The following AKNA variants were observed in gnomAD, a reference collection of about 807,000 sequenced individuals.
AKNA encodes the protein microtubule organization protein AKNA.
A neutral mutation model predicts 138.8 loss-of-function variants in AKNA; 67 were observed. That is an observed-to-expected ratio of 0.48 (90% confidence interval 0.40 to 0.59). AKNA has a LOEUF of 0.59. Among genes scored for constraint, AKNA ranks in the 20% least tolerant of loss-of-function variants. AKNA has a pLI of 0.00. For synonymous variants in AKNA, 737 were observed against 754.4 expected (o/e 0.98, Z 0.38); for missense variants, 1,813 against 1,880.4 (o/e 0.96, Z 0.66).
upstream of AKNA, among the ~76,000 whole-genome samples, chr9:114,392,427 GCAAA>G (rs1834382263): frequency 1.3e-5 from 2 of 152,234 alleles, no homozygotes; most frequent in Admixed American, 1.3e-4. Context: ...GGCTTTGTGG[GCAAA>G]CAGAGAACTC....
intron 3 of AKNA, 122 bp downstream of exon 3, chr9:114,376,344 G>T: frequency 2.4e-6 from 2 of 830,398 alleles, no homozygotes; most frequent in Non-Finnish European, 3.5e-6. Context: ...CCCCAGCCAG[G>T]CTCTATCCCA....
rs373114500 is a variant in AKNA at position 114,335,387 on chromosome 9, T to G, written c.*1667A>C. 4 of 152,236 alleles carry G rather than the reference T, an allele frequency of 2.6e-5. No individual in the cohort carries two copies. Among genetic ancestry groups the G allele is most frequent in the East Asian group, 1.9e-4 (1 of 5,192 alleles). The allele number at this position is 152,236 out of a possible 1,614,324, so 9.4% of individuals were successfully genotyped here. A position where few individuals can be genotyped will look rare whatever the true frequency, so the allele number is the denominator to read the frequency against. On this transcript the variant is annotated 3_prime_UTR_variant, in exon 22 of 22. Transcript: ENST00000374088. The stretch of plus-strand genomic sequence containing the variant: ...AGTGAGGGTCCTGAGGGTTAGCACA[T>G]GGACTGTGTGAAGCAGACAATGCCC...
intron 15 of AKNA, chr9:114,348,757 C>T (rs183121523): frequency 4.7e-6 from 2 of 422,380 alleles, no homozygotes; most frequent in Non-Finnish European, 9.7e-6. Flanking sequence ...TACCCCTCCC[C>T]ACAAGACCCC....
At chr9:114,330,871 C>T (rs200698602), downstream of AKNA, 45 of 1,609,666 alleles carry the variant, frequency 2.8e-5, no homozygotes, top group Non-Finnish European at 3.6e-5. Flanking sequence ...CGGTGAGGGC[C>T]AGCCCTCAGG....
In AKNA at chr9:114,336,924, G is replaced by A; in HGVS notation, c.*130C>T. ...CACAGGGACTGAGCAGGCGGGACCT[G>A]TGCTGGAGGGAGACCCTCCTGGTGA... On this transcript the variant is annotated 3_prime_UTR_variant, in exon 22 of 22. Coordinates refer to ENST00000374088, the MANE Select transcript of AKNA (RefSeq NM_001317950.2). 1 of 1,237,882 alleles carries A rather than the reference G, an allele frequency of 8.1e-7. No individual in the cohort carries two copies. The highest frequency in any genetic ancestry group is 1.1e-6 in the Non-Finnish European group (1 of 930,086). 76.7% of individuals were successfully genotyped at this position (1,237,882 alleles called of 1,614,324 possible). A position where few individuals can be genotyped will look rare whatever the true frequency, so the allele number is the denominator to read the frequency against.
downstream of AKNA, among the ~76,000 whole-genome samples, chr9:114,331,391 G>A (rs1240903996): frequency 6.6e-6 from 1 of 152,086 alleles, no homozygotes; most frequent in East Asian, 1.9e-4. Context: ...TGTACAGAAA[G>A]TGCTTGGCGT....
Position 114,350,710 on chromosome 9 carries a change from C to T in AKNA, c.3221+149G>A, listed in dbSNP as rs1374240427. The T allele has an allele frequency of 9.7e-6, 8 of 825,392 alleles. No homozygotes were observed. In the African/African-American group the frequency reaches 1.4e-4, roughly 15 times the overall value. 51.1% of individuals were successfully genotyped at this position (825,392 alleles called of 1,614,324 possible). On this transcript the variant is annotated intron_variant, in intron 15 of 21. Coordinates refer to ENST00000374088, the MANE Select transcript of AKNA (RefSeq NM_001317950.2). ...TGAGGTCCCACAGAAACGCTGGGAA[C>T]TGGGAGGCAGGACACCTGGGTCCGT...
At position 114,336,705 on chromosome 9, in the gene AKNA, A is replaced by G. The variant is rs1830012304; in HGVS notation, c.*349T>C. On this transcript the variant is annotated 3_prime_UTR_variant, in exon 22 of 22. Coordinates refer to ENST00000374088, the MANE Select transcript of AKNA (RefSeq NM_001317950.2). ...AGATCAGGAAAACTCCCCAGTTTAAAAAAATATCTGTCCATCTGTATATAA... is the reference window on the plus strand; with the variant it reads ...AGATCAGGAAAACTCCCCAGTTTAAGAAAATATCTGTCCATCTGTATATAA... 3.9e-6 allele frequency: 1 copy of G among 256,968 alleles called. No individual in the cohort carries two copies. Among genetic ancestry groups the G allele is most frequent in the South Asian group, 1.7e-4 (1 of 5,750 alleles). The allele number at this position is 256,968 out of a possible 1,614,324, so 15.9% of individuals were successfully genotyped here. A position where few individuals can be genotyped will look rare whatever the true frequency, so the allele number is the denominator to read the frequency against.
At position 114,358,080 on chromosome 9, in the gene AKNA, CTTGCCCAGGCCTGACATGTGCCCG is replaced by C. The variant is rs1831637855; in HGVS notation, c.2556_2579del (p.Asp852_Lys860delinsGlu). 1 of 1,613,932 alleles carries C rather than the reference CTTGCCCAGGCCTGACATGTGCCCG, an allele frequency of 6.2e-7. No individual in the cohort carries two copies. The highest frequency in any genetic ancestry group is 1.3e-5 in the African/African-American group (1 of 74,952). On this transcript the variant is annotated inframe_deletion, in exon 12 of 22. Transcript: ENST00000374088. ...CAGGGCCTGGAGGGGCTGCCTCAGC[CTTGCCCAGGCCTGACATGTGCCCG>C]TCTCTAGCCAGGGATGCCTGGAAAC... is the stretch of plus-strand genomic sequence containing the variant.
At chr9:114,332,835 G>A (rs1006857116), downstream of AKNA, among the ~76,000 whole-genome samples, 2 of 152,202 alleles carry the variant, frequency 1.3e-5, no homozygotes, top group Non-Finnish European at 2.9e-5. Context: ...CTCAGTAAAT[G>A]CCAGTGGTTC....
At chr9:114,373,286 G>A (rs1832929116) in intron 4 of AKNA, among the ~76,000 whole-genome samples, 1 of 152,224 alleles carries the variant, frequency 6.6e-6, no homozygotes, top group South Asian at 2.1e-4. Context: ...CTCCGAAGAC[G>A]GGGTGGGGGC....
At chr9:114,365,176 G>A (rs1056546639) in intron 6 of AKNA, among the ~76,000 whole-genome samples, 5 of 152,152 alleles carry the variant, frequency 3.3e-5, no homozygotes, top group African/African-American at 4.8e-5. Flanking sequence ...ATTGCTTCTG[G>A]GAAGGAGAAC....
intron 1 of AKNA, among the ~76,000 whole-genome samples, chr9:114,385,669 A>C (rs2132121751): frequency 6.6e-6 from 1 of 152,354 alleles, no homozygotes; most frequent in African/African-American, 2.4e-5. Flanking sequence ...AGGCAGCTGC[A>C]GTGACTGACT....
chr9:114,357,525 G>A (rs1478772847), intron 12 of AKNA, among the ~76,000 whole-genome samples: 1 of 142,800 alleles, frequency 7.0e-6, no homozygotes, highest in African/African-American at 3.1e-5. Context: ...GTGTGTGTGT[G>A]TGTGTGTGTG....
At chr9:114,345,372 A>C (rs1465146334) in intron 18 of AKNA, 1 of 152,476 alleles carries the variant, frequency 6.6e-6, no homozygotes, top group African/African-American at 2.4e-5. Context: ...GAGCCACCAC[A>C]CCCAACCCAT....
At chr9:114,357,462 A>G (rs1831579074) in intron 12 of AKNA, among the ~76,000 whole-genome samples, 1 of 152,194 alleles carries the variant, frequency 6.6e-6, no homozygotes, top group Non-Finnish European at 1.5e-5. Flanking sequence ...GCCCTCGCTG[A>G]GTTCATGTCT....
chr9:114,380,190 C>T (rs1362875390), intron 2 of AKNA, among the ~76,000 whole-genome samples: 8 of 152,038 alleles, frequency 5.3e-5, no homozygotes, highest in African/African-American at 9.7e-5. Context: ...GACATAACCC[C>T]GGGACTAAGT....
chr9:114,340,163 A>T (rs975753671), intron 21 of AKNA, among the ~76,000 whole-genome samples: 1 of 152,170 alleles, frequency 6.6e-6, no homozygotes, highest in Non-Finnish European at 1.5e-5. Context: ...CGAATAGAGG[A>T]CCAGGGCTGG....
chr9:114,337,013 G>GCCCCCCCCCCCCCCC lies in AKNA; in HGVS notation c.*40_*41insGGGGGGGGGGGGGGG. 6.7e-6 allele frequency: 8 copies of GCCCCCCCCCCCCCCC among 1,185,370 alleles called. No individual in the cohort carries two copies. The South Asian group carries it at 7.4e-5, about 11-fold the overall frequency. The allele number at this position is 1,185,370 out of a possible 1,614,324, so 73.4% of individuals were successfully genotyped here. On this transcript the variant is annotated 3_prime_UTR_variant, in exon 22 of 22. Coordinates refer to ENST00000374088, the MANE Select transcript of AKNA (RefSeq NM_001317950.2). ...CCACTCCTGGCCTGGCAGGCCACCT[G>GCCCCCCCCCCCCCCC]CCCACCCACCCACCCATCTGCCTCT...
Sources: gnomAD v4.1 joint callset for allele counts (sites outside exome capture counted in the v4.1 genomes callset) on GRCh38, gnomAD v4.1.1 for gene constraint, MANE v1.5 for transcripts, NCBI Gene and HGNC (gene_info 2026-07-23, HGNC 2026-07-21) for gene names.